The following AFF4 variants were observed in gnomAD, a reference collection of about 807,000 sequenced individuals.
The protein encoded by AFF4 is AF4/FMR2 family member 4.
AFF4 carries 13 observed loss-of-function variants against 124.8 expected under a neutral mutation model. That is an observed-to-expected ratio of 0.10 (90% CI 0.07 to 0.17). The LOEUF (loss-of-function observed/expected upper bound fraction) is 0.17. Ranked by LOEUF, AFF4 falls within the 10% of genes least tolerant of loss-of-function variation. The probability of loss-of-function intolerance (pLI) is 1.00; values close to 1 mark genes in which losing one functional copy is unlikely to be tolerated. For missense variants in AFF4, 1,092 were observed against 1,403.8 expected (o/e 0.78, Z 3.55); for synonymous variants, 477 against 496.1 (o/e 0.96, Z 0.51).
rs781565609 is a variant in AFF4 at position 132,896,740 on chromosome 5, A to G, written c.1890T>C (p.Tyr630=). ...SPRPTAEKKK[Y]KSTSKSSQKS... is the part of the protein sequence containing the mutation. ...TCTGGGAAGATTTACTTGTTGACTTATATTTCTTTTTCTCTGCTGTAGGTC... is the reference window on the plus strand; with the variant it reads ...TCTGGGAAGATTTACTTGTTGACTTGTATTTCTTTTTCTCTGCTGTAGGTC... Residue 630 remains tyrosine, a synonymous_variant, in exon 11 of 21, where the codon TAT becomes TAC. Transcript: ENST00000265343. 1 of 1,614,036 alleles carries G rather than the reference A, an allele frequency of 6.2e-7. No homozygotes were observed. The highest frequency in any genetic ancestry group is 1.1e-5 in the South Asian group (1 of 91,068).
rs148399165 is a variant in AFF4, at chr5:132,916,883, T to C, written c.1050+10238A>G. On this transcript the variant is annotated intron_variant, in intron 5 of 20. Coordinates refer to ENST00000265343, the MANE Select transcript of AFF4 (RefSeq NM_014423.4). The stretch of plus-strand genomic sequence containing the variant: ...AGTAGAGTTTACATCAGGAATGTAA[T>C]ATTGATTTAACATTTAAAATTTAAC... Among the ~76,000 whole-genome samples the C allele has an allele frequency of 4.7e-3, 718 of 152,330 alleles. 4 individuals are homozygous for C. The highest frequency in any genetic ancestry group is 0.02 in the Middle Eastern group (6 of 294).
In AFF4 at chr5:132,876,363, T is replaced by C. The variant is rs955959871; in HGVS notation, c.*4696A>G. The C allele has an allele frequency of 1.3e-5, 3 of 228,634 alleles. No individual in the cohort carries two copies. The highest frequency in any genetic ancestry group is 2.6e-5 in the Non-Finnish European group (3 of 114,936). 14.2% of individuals were successfully genotyped at this position (228,634 alleles called of 1,614,324 possible). A position where few individuals can be genotyped will look rare whatever the true frequency, so the allele number is the denominator to read the frequency against. Reference sequence around the variant, plus strand: ...GAAAGGCAGCATTTCCAAATTGATATTTTCCAGAGAGGAACATAGCAGGTA... The same window carrying C: ...GAAAGGCAGCATTTCCAAATTGATACTTTCCAGAGAGGAACATAGCAGGTA... On this transcript the variant is annotated 3_prime_UTR_variant, in exon 21 of 21. Transcript: ENST00000265343.
At chr5:132,925,864 C>T (rs1311630856) in intron 5 of AFF4, among the ~76,000 whole-genome samples, 1 of 152,158 alleles carries the variant, frequency 6.6e-6, no homozygotes, top group Non-Finnish European at 1.5e-5. Flanking sequence ...TAAATATATA[C>T]TCTCAACACT....
At chr5:132,954,797 T>G (rs1761917879) in intron 1 of AFF4, among the ~76,000 whole-genome samples, 2 of 152,182 alleles carry the variant, frequency 1.3e-5, no homozygotes, top group South Asian at 4.1e-4. Flanking sequence ...TCCGCCCGCC[T>G]CGGCCTCCCA....
At chr5:132,955,839 A>C in intron 1 of AFF4, among the ~76,000 whole-genome samples, 1 of 146,756 alleles carries the variant, frequency 6.8e-6, no homozygotes, top group East Asian at 2.0e-4. Flanking sequence ...AAATATATAC[A>C]TATACATGTA....
At chr5:132,886,264 A>G in intron 18 of AFF4, 46 bp downstream of exon 18, 1 of 1,567,162 alleles carries the variant, frequency 6.4e-7, no homozygotes, top group East Asian at 2.2e-5. Context: ...GGGAGACTAC[A>G]AATTCTGTCT....
chr5:132,915,201 C>A (rs560255037), intron 5 of AFF4, among the ~76,000 whole-genome samples: 1 of 151,862 alleles, frequency 6.6e-6, no homozygotes, highest in Non-Finnish European at 1.5e-5. Context: ...ATTAGCTGGG[C>A]GTGGTGGCGC....
At chr5:132,915,405 G>A (rs116039738) in intron 5 of AFF4, among the ~76,000 whole-genome samples, 7 of 152,032 alleles carry the variant, frequency 4.6e-5, no homozygotes, top group African/African-American at 7.2e-5. Flanking sequence ...GGAAGGGGAA[G>A]CAATTATTTC....
chr5:132,931,938 C>A (rs1240098974), intron 4 of AFF4, among the ~76,000 whole-genome samples: 3 of 151,886 alleles, frequency 2.0e-5, no homozygotes, highest in Non-Finnish European at 4.4e-5. Context: ...AGTGAGACTT[C>A]ATCTCAAAAA....
rs146759211 is a variant in AFF4, at chr5:132,914,037, G to T, written c.1051-9633C>A. Reference sequence around the variant, plus strand: ...GAGTCCAGGAGTTTGAGACCAGCCTGACCAACATGGTGAAACCCAGTCTCT... The same window carrying T: ...GAGTCCAGGAGTTTGAGACCAGCCTTACCAACATGGTGAAACCCAGTCTCT... On this transcript the variant is annotated intron_variant, in intron 5 of 20. Coordinates refer to ENST00000265343, the MANE Select transcript of AFF4 (RefSeq NM_014423.4). Among the ~76,000 whole-genome samples, 149 of 152,206 alleles carry T rather than the reference G, an allele frequency of 9.8e-4. No homozygotes were observed. The East Asian group carries it at 0.019, about 19-fold the overall frequency.
chr5:132,944,773 T>C (rs1761656595), intron 1 of AFF4, among the ~76,000 whole-genome samples: 1 of 151,054 alleles, frequency 6.6e-6, no homozygotes, highest in Non-Finnish European at 1.5e-5. Flanking sequence ...CTACTAAAAA[T>C]ACAAAAATTA....
In AFF4 at chr5:132,932,222, C is replaced by G. The variant is rs1022011033; in HGVS notation, c.919G>C (p.Ala307Pro). 1 of 1,603,878 alleles carries G rather than the reference C, an allele frequency of 6.2e-7. No individual in the cohort carries two copies. Among genetic ancestry groups the G allele is most frequent in the Non-Finnish European group, 8.5e-7 (1 of 1,175,862 alleles). Residue 307 changes from alanine to proline, a missense_variant and splice_region_variant, in exon 4 of 21, where the codon GCA becomes CCA. Physicochemically the swap from Ala to Pro is conservative, Grantham distance 27 (BLOSUM62 -1). Around this residue, in one of 11 missense-constraint regions of AFF4, gnomAD observed 148 missense variants for 196.3 expected, o/e 0.75. Coordinates refer to ENST00000265343, the MANE Select transcript of AFF4 (RefSeq NM_014423.4). ...CAGCTCACATCACCAGAAGCTGATG[C>G]CTTGAAAGAAAAAGCAGCACACATT... Reference protein sequence around the residue: ...KLKIPSQPLDASASGDVSCVD... With the variant: ...KLKIPSQPLDPSASGDVSCVD...
intron 5 of AFF4, among the ~76,000 whole-genome samples, chr5:132,925,046 GC>G (rs1203093882): frequency 2.6e-5 from 4 of 151,906 alleles, no homozygotes; most frequent in Non-Finnish European, 5.9e-5. Context: ...GTGGTGGCGG[GC>G]ACCTGTAGTC....
chr5:132,884,473 C>A (rs553312653), intron 19 of AFF4, among the ~76,000 whole-genome samples: 51 of 152,266 alleles, frequency 3.3e-4, no homozygotes, highest in African/African-American at 9.9e-4. Context: ...AACTCCTGAC[C>A]TTGTGATCTG....
chr5:132,963,498 T>C lies in AFF4; in HGVS notation c.-244A>G, dbSNP rs1762129384. 2.5e-6 allele frequency: 1 copy of C among 397,574 alleles called. No homozygotes were observed. Among genetic ancestry groups the C allele is most frequent in the Admixed American group, 4.4e-5 (1 of 22,656 alleles). The allele number at this position is 397,574 out of a possible 1,614,324, so 24.6% of individuals were successfully genotyped here. ...CAGGCGTAGGCCCCGCACCGCTCCA[T>C]GACGGTCGGGCCCGGGCTGGGACAG... On this transcript the variant is annotated 5_prime_UTR_variant, in exon 1 of 21. It removes an upstream start codon present in the reference 5' UTR. Transcript: ENST00000265343.
chr5:132,900,728 A>G (rs781782467), intron 7 of AFF4: 4 of 421,026 alleles, frequency 9.5e-6, no homozygotes, highest in Non-Finnish European at 1.3e-5. Flanking sequence ...CCATAAAATC[A>G]AAACCATTAA....
chr5:132,949,430 AC>A (rs894098125), intron 1 of AFF4, among the ~76,000 whole-genome samples: 1 of 152,096 alleles, frequency 6.6e-6, no homozygotes, highest in Non-Finnish European at 1.5e-5. Flanking sequence ...CAATCCCCGC[AC>A]TTTGGGAGGC....
At chr5:132,901,080 G>T (rs1760539447) in intron 7 of AFF4, 1 of 985,272 alleles carries the variant, frequency 1.0e-6, no homozygotes, top group Non-Finnish European at 1.2e-6. Context: ...AGGGAAAAAA[G>T]AGTTTTCTTT....
Position 132,927,114 on chromosome 5 carries a change from T to C in AFF4, c.1050+7A>G. On this transcript the variant is annotated splice_region_variant and intron_variant, in intron 5 of 20. Transcript: ENST00000265343. ...TACATTATGAAAGATACATTTTATT[T>C]ACTTACCTTAGTTGGAAAAGGAAAT... 3 of 1,608,068 alleles carry C rather than the reference T, an allele frequency of 1.9e-6. No homozygotes were observed. The highest frequency in any genetic ancestry group is 2.6e-6 in the Non-Finnish European group (3 of 1,176,142).
Sources: allele counts gnomAD v4.1 joint callset (sites outside exome capture counted in the v4.1 genomes callset), GRCh38; gene constraint gnomAD v4.1.1; regional missense constraint gnomAD v4.1.1; transcripts MANE v1.5; gene names NCBI Gene and HGNC (gene_info 2026-07-23, HGNC 2026-07-21).